Variants in AGBL4 observed in about 807,000 individuals in gnomAD.
AGBL4 encodes the protein cytosolic carboxypeptidase 6.
In AGBL4, 58 loss-of-function variants were observed where a neutral mutation model predicts 66.4. That is an observed-to-expected ratio of 0.87 (90% CI 0.71 to 1.09). AGBL4 has a LOEUF of 1.09. Among genes scored for constraint, AGBL4 ranks in the 50% least tolerant of loss-of-function variants. The pLI, the probability that AGBL4 is intolerant of heterozygous loss-of-function variation, is 0.00. For missense variants in AGBL4, 579 were observed against 631.0 expected, an observed-to-expected ratio of 0.92 and a Z score of 0.88; for synonymous variants, 234 against 222.9, an observed-to-expected ratio of 1.05 and a Z score of -0.44.
At chr1:49,372,380 C>T (rs886519082) in intron 3 of AGBL4, among the ~76,000 whole-genome samples, 1 of 152,130 alleles carries the variant, frequency 6.6e-6, no homozygotes, top group African/African-American at 2.4e-5. Context: ...GTATAATACA[C>T]AAGCTCCTTA....
chr1:48,696,578 AC>A, intron 6 of AGBL4, among the ~76,000 whole-genome samples: 1 of 152,106 alleles, frequency 6.6e-6, no homozygotes, highest in South Asian at 2.1e-4. Flanking sequence ...AACCACCCCC[AC>A]CACTACTACC....
At chr1:49,119,161 T>C (rs182227619) in intron 4 of AGBL4, among the ~76,000 whole-genome samples, 58 of 152,302 alleles carry the variant, frequency 3.8e-4, no homozygotes, top group African/African-American at 1.3e-3. Context: ...CCTGGATTCA[T>C]TGATTTTTTG....
intron 9 of AGBL4, among the ~76,000 whole-genome samples, chr1:48,616,440 A>G (rs1645319752): frequency 1.3e-5 from 2 of 152,200 alleles, no homozygotes; most frequent in South Asian, 4.1e-4. Flanking sequence ...TTGGTACAGA[A>G]TAGTTCATAA....
intron 2 of AGBL4, among the ~76,000 whole-genome samples, chr1:49,766,098 G>A (rs1571519554): frequency 6.6e-6 from 1 of 152,280 alleles, no homozygotes; most frequent in East Asian, 1.9e-4. Flanking sequence ...TCTGCCAAAT[G>A]CTTTACAAAA....
Position 49,258,394 on chromosome 1 carries a change from G to C in AGBL4, c.283-12530C>G, listed in dbSNP as rs146445623. 6.9e-3 allele frequency among the ~76,000 whole-genome samples: 1,050 copies of C among 152,276 alleles called. 7 individuals carry two copies. Among genetic ancestry groups the C allele is most frequent in the African/African-American group, 0.024 (985 of 41,548 alleles). On this transcript the variant is annotated intron_variant, in intron 3 of 13. Coordinates refer to ENST00000371839, the MANE Select transcript of AGBL4 (RefSeq NM_032785.4). ...GGAAATTCGAACCAAAGGCAAAGAA[G>C]TTGAAAAATTTGAAAAAAATTTAGA...
chr1:50,001,969 A>ATGTATTTTAG (rs2148421004), intron 1 of AGBL4, among the ~76,000 whole-genome samples: 1 of 152,232 alleles, frequency 6.6e-6, no homozygotes, highest in African/African-American at 2.4e-5. Flanking sequence ...ATGAAAGGAG[A>ATGTATTTTAG]TGTATTTTAG....
At chr1:48,908,411 C>A (rs76269345) in intron 5 of AGBL4, among the ~76,000 whole-genome samples, 1 of 152,160 alleles carries the variant, frequency 6.6e-6, no homozygotes, top group Non-Finnish European at 1.5e-5. Context: ...ATTTTATAGG[C>A]AAGTTGTGAA....
At chr1:49,586,878 C>T (rs1644658468) in intron 3 of AGBL4, among the ~76,000 whole-genome samples, 1 of 152,120 alleles carries the variant, frequency 6.6e-6, no homozygotes, top group Admixed American at 6.6e-5. Flanking sequence ...TGTCCCTCAC[C>T]TCTGTCTTGA....
chr1:49,179,616 T>C (rs2148183180), intron 4 of AGBL4, among the ~76,000 whole-genome samples: 1 of 152,096 alleles, frequency 6.6e-6, no homozygotes, highest in South Asian at 2.1e-4. Flanking sequence ...AACAGGTCTG[T>C]AACTACTTGG....
chr1:48,627,734 C>A (rs758656874), intron 9 of AGBL4, among the ~76,000 whole-genome samples: 4 of 152,118 alleles, frequency 2.6e-5, no homozygotes, highest in Non-Finnish European at 4.4e-5. Flanking sequence ...CAGGCAGCAG[C>A]TGAGGAGGGC....
chr1:49,047,416 G>A (rs1644106589), intron 4 of AGBL4, among the ~76,000 whole-genome samples: 1 of 152,036 alleles, frequency 6.6e-6, no homozygotes, highest in Non-Finnish European at 1.5e-5. Flanking sequence ...CACCAATAGA[G>A]TCCATTTGCC....
intron 6 of AGBL4, among the ~76,000 whole-genome samples, chr1:48,777,462 C>G (rs1476123966): frequency 6.6e-6 from 1 of 152,154 alleles, no homozygotes; most frequent in East Asian, 1.9e-4. Flanking sequence ...TTTCCCAGCC[C>G]TTAGTTTGGC....
intron 2 of AGBL4, among the ~76,000 whole-genome samples, chr1:49,796,439 C>T (rs1644730690): frequency 6.6e-6 from 1 of 151,594 alleles, no homozygotes; most frequent in Admixed American, 6.6e-5. Context: ...AAATGCTCAA[C>T]AATAGGGAAA....
At chr1:48,716,201 T>C (rs901509218) in intron 6 of AGBL4, among the ~76,000 whole-genome samples, 2 of 152,192 alleles carry the variant, frequency 1.3e-5, no homozygotes, top group Non-Finnish European at 2.9e-5. Flanking sequence ...CTTCAGTCCC[T>C]GCACTGACTG....
chr1:48,940,154 C>T (rs995157967), intron 5 of AGBL4, among the ~76,000 whole-genome samples: 2 of 152,146 alleles, frequency 1.3e-5, no homozygotes, highest in East Asian at 3.9e-4. Flanking sequence ...CCCGGGTGGG[C>T]AGATCACGAG....
chr1:49,433,840 G>A (rs1288389949), intron 3 of AGBL4, among the ~76,000 whole-genome samples: 3 of 152,134 alleles, frequency 2.0e-5, no homozygotes, highest in African/African-American at 7.2e-5. Flanking sequence ...GCTTGACATG[G>A]TGCCTGGGAC....
At chr1:48,939,548 G>A (rs1298993255) in intron 5 of AGBL4, among the ~76,000 whole-genome samples, 1 of 152,228 alleles carries the variant, frequency 6.6e-6, no homozygotes, top group Non-Finnish European at 1.5e-5. Flanking sequence ...CAGGGGCTCT[G>A]TAAGTATTAG....
intron 2 of AGBL4, among the ~76,000 whole-genome samples, chr1:49,795,016 G>A (rs1644695557): frequency 6.6e-6 from 1 of 151,842 alleles, no homozygotes; most frequent in South Asian, 2.1e-4. Context: ...TGCCCTTGAG[G>A]TCTTCATATA....
Position 49,782,356 on chromosome 1 carries a change from G to T in AGBL4, c.157+69040C>A, listed in dbSNP as rs747890331. The stretch of plus-strand genomic sequence containing the variant: ...CTGTCTGCCAAAATATTAAATAACT[G>T]AGATAAAATAAAGAAGTTTCTAGCA... On this transcript the variant is annotated intron_variant, in intron 2 of 13. Coordinates refer to ENST00000371839, the MANE Select transcript of AGBL4 (RefSeq NM_032785.4). 6.0e-4 allele frequency among the ~76,000 whole-genome samples: 91 copies of T among 152,052 alleles called. 1 individual carries two copies. The highest frequency in any genetic ancestry group is 1.4e-3 in the Admixed American group (22 of 15,268).
Sources: allele counts gnomAD v4.1 joint callset (sites outside exome capture counted in the v4.1 genomes callset), GRCh38; gene constraint gnomAD v4.1.1; transcripts MANE v1.5; gene names NCBI Gene and HGNC (gene_info 2026-07-23, HGNC 2026-07-21).